WDFY2: variants seen among roughly 807,000 people sequenced by gnomAD.
The protein encoded by WDFY2 is WD repeat and FYVE domain containing 2, also known as WD repeat and FYVE domain-containing protein 2.
In WDFY2, 36 loss-of-function variants were observed where a neutral mutation model predicts 56.4. The ratio of observed to expected loss-of-function variants is 0.64; its 90% CI spans 0.49 to 0.84. WDFY2 has a LOEUF of 0.84. Ranked by LOEUF, WDFY2 falls within the 40% of genes least tolerant of loss-of-function variation. The pLI, the probability that WDFY2 is intolerant of heterozygous loss-of-function variation, is 0.00. For missense variants in WDFY2, 444 were observed against 512.2 expected (o/e 0.87, Z 1.29); for synonymous variants, 176 against 183.7 (o/e 0.96, Z 0.34).
intron 7 of WDFY2, among the ~76,000 whole-genome samples, chr13:51,745,309 T>G (rs967980348): frequency 1.3e-5 from 2 of 152,198 alleles, no homozygotes; most frequent in Non-Finnish European, 2.9e-5. Flanking sequence ...AGATTTTATA[T>G]TAGGCATTAA....
chr13:51,722,936 C>T (rs975352350), intron 5 of WDFY2, among the ~76,000 whole-genome samples: 3 of 152,198 alleles, frequency 2.0e-5, no homozygotes, highest in Non-Finnish European at 4.4e-5. Flanking sequence ...CCTGTTTTCA[C>T]AAAAATAATT....
At chr13:51,693,390 T>C (rs1159806254) in intron 3 of WDFY2, among the ~76,000 whole-genome samples, 1 of 151,770 alleles carries the variant, frequency 6.6e-6, no homozygotes, top group Non-Finnish European at 1.5e-5. Context: ...GTGTCTTTGT[T>C]CTCATTGGTT....
Position 51,738,114 on chromosome 13 carries a change from C to A in WDFY2, c.599-935C>A, listed in dbSNP as rs1398352000. ...CTGATAATCTCAATAAGAAAAATGT[C>A]AGATTCCAACAAATGAGAAGCTATT... On this transcript the variant is annotated intron_variant, in intron 6 of 11. Coordinates refer to ENST00000298125, the MANE Select transcript of WDFY2 (RefSeq NM_052950.4). Among the ~76,000 whole-genome samples the A allele has an allele frequency of 1.2e-4, 19 of 152,160 alleles. 1 individual carries two copies. Among genetic ancestry groups the A allele is most frequent in the Admixed American group, 1.2e-3 (19 of 15,286 alleles).
chr13:51,626,073 C>T (rs1323963966), intron 1 of WDFY2, among the ~76,000 whole-genome samples: 1 of 152,178 alleles, frequency 6.6e-6, no homozygotes, highest in East Asian at 1.9e-4. Context: ...TGAAGGAGGA[C>T]AGATGCAGAA....
In WDFY2 at chr13:51,727,716, A is replaced by G; in HGVS notation, c.524A>G (p.His175Arg). ...VETRHVFIGD[H>R]SGQVTILKLE... ...ACCCGGCATGTGTTTATCGGTGACCACTCAGGCCAAGTAACAATCCTCAAA... is the reference window on the plus strand; with the variant it reads ...ACCCGGCATGTGTTTATCGGTGACCGCTCAGGCCAAGTAACAATCCTCAAA... Residue 175 changes from histidine to arginine, a missense_variant, in exon 6 of 12, where the codon CAC becomes CGC. Transcript: ENST00000298125. 6.2e-7 allele frequency: 1 copy of G among 1,614,152 alleles called. No individual in the cohort carries two copies. Among genetic ancestry groups the G allele is most frequent in the East Asian group, 2.2e-5 (1 of 44,880 alleles).
At chr13:51,694,340 T>C (rs1336940908) in intron 3 of WDFY2, among the ~76,000 whole-genome samples, 3 of 152,244 alleles carry the variant, frequency 2.0e-5, no homozygotes, top group East Asian at 1.9e-4. Flanking sequence ...CCTTTCCATG[T>C]TTAGTGCTTC....
At chr13:51,665,214 A>C (rs1376896271) in intron 2 of WDFY2, among the ~76,000 whole-genome samples, 1 of 152,246 alleles carries the variant, frequency 6.6e-6, no homozygotes, top group Non-Finnish European at 1.5e-5. Flanking sequence ...TGGATGAATG[A>C]GAAATCAGAG....
chr13:51,621,621 T>G (rs149879429), intron 1 of WDFY2, among the ~76,000 whole-genome samples: 1 of 152,248 alleles, frequency 6.6e-6, no homozygotes, highest in Non-Finnish European at 1.5e-5. Context: ...AAGATTCTTA[T>G]GGACTTCATG....
In WDFY2 at chr13:51,765,606, C is replaced by T. The variant is rs988063837; in HGVS notation, c.*5837C>T. 1.3e-5 allele frequency: 2 copies of T among 152,224 alleles called. No individual in the cohort carries two copies. The highest frequency in any genetic ancestry group is 4.8e-5 in the African/African-American group (2 of 41,450). 9.4% of individuals were successfully genotyped at this position (152,224 alleles called of 1,614,324 possible). Reference sequence around the variant, plus strand: ...ATTATTGGACATGCCTAGCCCATCACCAGTGACCTGCCCGCATATTGCTGG... The same window carrying T: ...ATTATTGGACATGCCTAGCCCATCATCAGTGACCTGCCCGCATATTGCTGG... On this transcript the variant is annotated 3_prime_UTR_variant, in exon 12 of 12. Transcript: ENST00000298125.
intron 3 of WDFY2, among the ~76,000 whole-genome samples, chr13:51,685,008 C>T (rs1593410559): frequency 6.6e-6 from 1 of 152,304 alleles, no homozygotes; most frequent in East Asian, 1.9e-4. Context: ...TCAGTCTCAC[C>T]TGTCACAACT....
In WDFY2 at chr13:51,660,420, G is replaced by A. The variant is rs188190808; in HGVS notation, c.138-176G>A. On this transcript the variant is annotated intron_variant, in intron 1 of 11. Transcript: ENST00000298125. ...TCACCATGTTGGCCAGGCTGGTCTC[G>A]AACTCCTGACCTCAAGTGATACGCC... 3.0e-4 allele frequency among the ~76,000 whole-genome samples: 45 copies of A among 151,194 alleles called. 1 individual carries two copies. The highest frequency in any genetic ancestry group is 1.0e-3 in the African/African-American group (43 of 41,146).
chr13:51,688,202 C>G (rs528356386), intron 3 of WDFY2, among the ~76,000 whole-genome samples: 4 of 152,274 alleles, frequency 2.6e-5, no homozygotes, highest in Admixed American at 2.0e-4. Context: ...ACCATTTGGT[C>G]CTGCTTCCAG....
chr13:51,668,692 A>G (rs1387138054), intron 2 of WDFY2, among the ~76,000 whole-genome samples: 2 of 152,206 alleles, frequency 1.3e-5, no homozygotes, highest in African/African-American at 2.4e-5. Flanking sequence ...TCACCAGGAT[A>G]CCGTTAGCAC....
At chr13:51,668,596 G>T (rs2138482414) in intron 2 of WDFY2, among the ~76,000 whole-genome samples, 1 of 152,294 alleles carries the variant, frequency 6.6e-6, no homozygotes, top group Middle Eastern at 3.4e-3. Context: ...TAGTGTCCAT[G>T]AATTAAATTT....
intron 1 of WDFY2, among the ~76,000 whole-genome samples, chr13:51,628,907 T>C (rs1440733443): frequency 6.6e-6 from 1 of 152,240 alleles, no homozygotes; most frequent in African/African-American, 2.4e-5. Context: ...TGAAGACATA[T>C]TTGTATGCTC....
At chr13:51,670,489 G>GCGCGCA (rs994843711) in intron 2 of WDFY2, among the ~76,000 whole-genome samples, 83 of 131,496 alleles carry the variant, frequency 6.3e-4, no homozygotes, top group African/African-American at 1.9e-3. Flanking sequence ...GTGCGCACAT[G>GCGCGCA]CACACACACA....
chr13:51,708,712 A>C (rs1952144031), intron 4 of WDFY2, among the ~76,000 whole-genome samples: 1 of 152,236 alleles, frequency 6.6e-6, no homozygotes, highest in Non-Finnish European at 1.5e-5. Context: ...AAAGGCAATT[A>C]AAAGGCAGTT....
intron 1 of WDFY2, among the ~76,000 whole-genome samples, chr13:51,653,423 A>G (rs1225199471): frequency 6.6e-6 from 1 of 152,196 alleles, no homozygotes; most frequent in Non-Finnish European, 1.5e-5. Flanking sequence ...TTCTCCGTCC[A>G]GCTTTATTCC....
At chr13:51,622,276 T>TC (rs1029503946) in intron 1 of WDFY2, among the ~76,000 whole-genome samples, 11 of 152,278 alleles carry the variant, frequency 7.2e-5, no homozygotes, top group Middle Eastern at 3.4e-3. Context: ...TTCCTCTCTC[T>TC]CCCCCCCTCC....
Sources: allele counts gnomAD v4.1 joint callset (sites outside exome capture counted in the v4.1 genomes callset), GRCh38; gene constraint gnomAD v4.1.1; transcripts MANE v1.5; gene names NCBI Gene and HGNC (gene_info 2026-07-23, HGNC 2026-07-21).